Variants in HMX1 observed in about 807,000 individuals in gnomAD.
The protein encoded by HMX1 is H6 family homeobox 1.
HMX1 carries 8 observed loss-of-function variants against 8.9 expected under a neutral mutation model. That is an observed-to-expected ratio of 0.90 (90% CI 0.53 to 1.63). HMX1 has a LOEUF of 1.63. Among genes scored for constraint, HMX1 ranks in the 40% most tolerant of loss-of-function variants. The pLI is 0.00. For synonymous variants in HMX1, 311 were observed against 283.4 expected (o/e 1.10, Z -0.98); for missense variants, 621 against 558.5 (o/e 1.11, Z -1.13).
intron 1 of HMX1, among the ~76,000 whole-genome samples, chr4:8,858,559 AG>A (rs1721689733): frequency 6.6e-6 from 1 of 152,140 alleles, no homozygotes; most frequent in Admixed American, 6.5e-5. Context: ...GAGAGGTGCC[AG>A]CCCCTACCTT....
downstream of HMX1, among the ~76,000 whole-genome samples, chr4:8,866,467 G>A (rs1354815610): frequency 6.6e-6 from 1 of 152,260 alleles, no homozygotes; most frequent in African/African-American, 2.4e-5. Flanking sequence ...GGCTGATGGA[G>A]GTGGGGTGGC....
intron 1 of HMX1, among the ~76,000 whole-genome samples, chr4:8,846,732 T>C (rs1285302672): frequency 1.3e-5 from 2 of 150,648 alleles, no homozygotes; most frequent in African/African-American, 4.9e-5. Context: ...CATTGAACCA[T>C]ACACGGAGCT....
chr4:8,866,202 C>G (rs1721989849), downstream of HMX1, among the ~76,000 whole-genome samples: 1 of 152,168 alleles, frequency 6.6e-6, no homozygotes. Context: ...ATGCACTGAC[C>G]CCCAGGCCCA....
chr4:8,861,282 C>T (rs1721805533), intron 1 of HMX1, among the ~76,000 whole-genome samples: 1 of 152,016 alleles, frequency 6.6e-6, no homozygotes, highest in Admixed American at 6.5e-5. Context: ...ACCGACTTCC[C>T]ACTGCCCGAC....
In HMX1 at chr4:8,870,508, G is replaced by C. The variant is rs962925048; in HGVS notation, c.394+713C>G. 6.6e-6 allele frequency among the ~76,000 whole-genome samples: 1 copy of C among 152,084 alleles called. No homozygotes were observed. The highest frequency in any genetic ancestry group is 2.4e-5 in the African/African-American group (1 of 41,418). On this transcript the variant is annotated intron_variant, in intron 1 of 1. Transcript: ENST00000400677. The surrounding 1 kb of genome is among the most constrained non-coding windows in gnomAD (Gnocchi z 4.4). ...GGTTGGACTGGGGGCCTCAGAACAG[G>C]CTCCCTTCTTGCCTGGCACAGCCCA... is the stretch of plus-strand genomic sequence containing the variant.
At position 8,849,897 on chromosome 4, in the gene HMX1, C is replaced by A. The variant is rs1398883710; in HGVS notation, c.395-3573G>T. On this transcript the variant is annotated intron_variant, in intron 1 of 1. Transcript: ENST00000506970. This position sits in a 1 kb window ranked among gnomAD's most constrained non-coding sequence, Gnocchi z 6.6. ...GATGAGGGTTCTCTGCCCTTGCTTC[C>A]TGTCAGGGGGGCCCGATGGGAGGGA... Among the ~76,000 whole-genome samples, 1 of 152,218 alleles carries A rather than the reference C, an allele frequency of 6.6e-6. No homozygotes were observed. The highest frequency in any genetic ancestry group is 2.4e-5 in the African/African-American group (1 of 41,460).
intron 1 of HMX1, among the ~76,000 whole-genome samples, chr4:8,850,438 C>T (rs904394204): frequency 6.6e-6 from 1 of 152,098 alleles, no homozygotes; most frequent in Non-Finnish European, 1.5e-5. Context: ...AAGCACTGTC[C>T]CTTACCCTGA....
chr4:8,850,953 G>A lies in HMX1; in HGVS notation c.395-4629C>T, dbSNP rs529255212. On this transcript the variant is annotated intron_variant, in intron 1 of 1. Coordinates refer to the HMX1 transcript ENST00000506970. The stretch of plus-strand genomic sequence containing the variant: ...TCCAGACACAGCTGCCCCCTTGGCC[G>A]GACTGGGCTCCCCCAGGGCAGGGAG... Among the ~76,000 whole-genome samples the A allele has an allele frequency of 2.0e-5, 3 of 152,234 alleles. No homozygotes were observed. The South Asian group carries it at 6.2e-4, about 31-fold the overall frequency.
rs915704591 is a variant in HMX1, at chr4:8,849,911, C to T, written c.395-3587G>A. ...GCCCTTGCTTCCTGTCAGGGGGGCCCGATGGGAGGGACACAGGTGGGCAGG... is the reference window on the plus strand; with the variant it reads ...GCCCTTGCTTCCTGTCAGGGGGGCCTGATGGGAGGGACACAGGTGGGCAGG... On this transcript the variant is annotated intron_variant, in intron 1 of 1. Transcript: ENST00000506970. This position sits in a 1 kb window ranked among gnomAD's most constrained non-coding sequence, Gnocchi z 6.6. Among the ~76,000 whole-genome samples the T allele has an allele frequency of 4.6e-5, 7 of 152,136 alleles. No homozygotes were observed. The highest frequency in any genetic ancestry group is 1.0e-4 in the Non-Finnish European group (7 of 68,026).
chr4:8,857,208 C>T lies in HMX1; in HGVS notation c.395-10884G>A, dbSNP rs577305570. Reference sequence around the variant, plus strand: ...TCTCCTTGCGACATTAAATGCAATGCAGCCGCCGAGGAAGCGTCGGGGACA... The same window carrying T: ...TCTCCTTGCGACATTAAATGCAATGTAGCCGCCGAGGAAGCGTCGGGGACA... On this transcript the variant is annotated intron_variant, in intron 1 of 1. Coordinates refer to the HMX1 transcript ENST00000506970. Among the ~76,000 whole-genome samples, 4 of 152,352 alleles carry T rather than the reference C, an allele frequency of 2.6e-5. No individual in the cohort carries two copies. The South Asian group carries it at 8.3e-4, about 32-fold the overall frequency.
Position 8,871,489 on chromosome 4 carries a change from C to A in HMX1, c.126G>T (p.Arg42=). Residue 42 remains arginine, a synonymous_variant, in exon 1 of 2, where the codon CGG becomes CGT. Coordinates refer to ENST00000400677, the MANE Select transcript of HMX1 (RefSeq NM_018942.3). The surrounding 1 kb of genome is among the most constrained non-coding windows in gnomAD (Gnocchi z 4.8). ...CGTCGTCGTCCTCCTCCTCGTCCTCCCGGCTGCCGTCGCCCTGGGTCGCGC... is the reference window on the plus strand; with the variant it reads ...CGTCGTCGTCCTCCTCCTCGTCCTCACGGCTGCCGTCGCCCTGGGTCGCGC... ...AGRATQGDGS[R]EDEEEDDDDP... The A allele has an allele frequency of 1.5e-6, 2 of 1,340,990 alleles. No individual in the cohort carries two copies. The highest frequency in any genetic ancestry group is 1.9e-6 in the Non-Finnish European group (2 of 1,043,112). 83.1% of individuals were successfully genotyped at this position (1,340,990 alleles called of 1,614,324 possible).
In HMX1 at chr4:8,870,734, C is replaced by T. The variant is rs898643806; in HGVS notation, c.394+487G>A. On this transcript the variant is annotated intron_variant, in intron 1 of 1. Coordinates refer to ENST00000400677, the MANE Select transcript of HMX1 (RefSeq NM_018942.3). The surrounding 1 kb of genome is among the most constrained non-coding windows in gnomAD (Gnocchi z 4.4). ...CTGATGCTACTTTGTCTCCCTTTCC[C>T]TCCATCTCTTCCTCCTCTTTTCTCT... 6.6e-6 allele frequency among the ~76,000 whole-genome samples: 1 copy of T among 151,860 alleles called. No individual in the cohort carries two copies. Among genetic ancestry groups the T allele is most frequent in the Non-Finnish European group, 1.5e-5 (1 of 67,978 alleles).
chr4:8,867,933 G>A lies in HMX1; in HGVS notation c.807C>T (p.Ala269=). The change falls in exon 2 of 2, where the codon GCC becomes GCT. Residue 269 remains alanine, a synonymous_variant. Coordinates refer to ENST00000400677, the MANE Select transcript of HMX1 (RefSeq NM_018942.3). ...KRQLAAELEA[A]SLSPPGAQRL... ...GCTGCGCTCCCGGCGGGGACAGGCT[G>A]GCCGCCTCCAGCTCGGCTGCCAGCT... 2 of 1,468,794 alleles carry A rather than the reference G, an allele frequency of 1.4e-6. No homozygotes were observed. The highest frequency in any genetic ancestry group is 2.9e-5 in the East Asian group (1 of 34,404). The allele number at this position is 1,468,794 out of a possible 1,614,324, so 91.0% of individuals were successfully genotyped here.
At chr4:8,862,589 A>G (rs1246165602), downstream of HMX1, among the ~76,000 whole-genome samples, 1 of 152,156 alleles carries the variant, frequency 6.6e-6, no homozygotes, top group Non-Finnish European at 1.5e-5. Flanking sequence ...ATGCATTTTC[A>G]CTGATAATAA....
Position 8,848,215 on chromosome 4 carries a change from G to C in HMX1, c.395-1891C>G, listed in dbSNP as rs562585968. Among the ~76,000 whole-genome samples, 1 of 152,196 alleles carries C rather than the reference G, an allele frequency of 6.6e-6. No individual in the cohort carries two copies. Among genetic ancestry groups the C allele is most frequent in the Non-Finnish European group, 1.5e-5 (1 of 68,040 alleles). ...TGCATACTTTTGTGCTCTCCAAAGA[G>C]AGTCCGAAACATGTAAAGCAACTCA... is the stretch of plus-strand genomic sequence containing the variant. On this transcript the variant is annotated intron_variant, in intron 1 of 1. Coordinates refer to the HMX1 transcript ENST00000506970. The surrounding 1 kb of genome is among the most constrained non-coding windows in gnomAD (Gnocchi z 4.1).
chr4:8,847,886 G>C lies in HMX1; in HGVS notation c.395-1562C>G, dbSNP rs1721324462. ...TGGCTCTGGAGAGGACCTGAGCTGA[G>C]AGCCAGTGGATTAAGTTGAACTGGA... On this transcript the variant is annotated intron_variant, in intron 1 of 1. Transcript: ENST00000506970. This position sits in a 1 kb window ranked among gnomAD's most constrained non-coding sequence, Gnocchi z 6.0. 6.6e-6 allele frequency among the ~76,000 whole-genome samples: 1 copy of C among 152,192 alleles called. No individual in the cohort carries two copies. The highest frequency in any genetic ancestry group is 1.5e-5 in the Non-Finnish European group (1 of 68,036).
In HMX1 at chr4:8,867,406, G is replaced by A. The variant is rs146085685; in HGVS notation, c.*287C>T. The stretch of plus-strand genomic sequence containing the variant: ...TGGCCGACCGCTCCTCGCTGAGGCC[G>A]GGGGGTGGCCGTGGCGCCGGGGGCT... On this transcript the variant is annotated 3_prime_UTR_variant, in exon 2 of 2. Transcript: ENST00000400677. The A allele has an allele frequency of 1.5e-3, 1,593 of 1,066,144 alleles. 22 individuals are homozygous for A. In the African/African-American group the frequency reaches 0.026, roughly 18 times the overall value. The allele number at this position is 1,066,144 out of a possible 1,614,324, so 66.0% of individuals were successfully genotyped here.
chr4:8,862,529 T>G (rs1721861952), downstream of HMX1, among the ~76,000 whole-genome samples: 1 of 152,246 alleles, frequency 6.6e-6, no homozygotes, highest in Non-Finnish European at 1.5e-5. Flanking sequence ...AACTTATTTT[T>G]GTTGCCTTAT....
intron 1 of HMX1, among the ~76,000 whole-genome samples, chr4:8,869,827 C>T (rs550594214): frequency 8.7e-4 from 132 of 152,258 alleles, no homozygotes; most frequent in African/African-American, 3.0e-3. Flanking sequence ...AAGGGGGAGC[C>T]GCCTCTGCAG....
Sources: allele counts gnomAD v4.1 joint callset (sites outside exome capture counted in the v4.1 genomes callset), GRCh38; gene constraint gnomAD v4.1.1; non-coding constraint Gnocchi (gnomAD v3.1); transcripts MANE v1.5; gene names NCBI Gene and HGNC (gene_info 2026-07-23, HGNC 2026-07-21).